Variants in RALGAPA2 observed in about 807,000 individuals in gnomAD.
RALGAPA2 encodes ral GTPase-activating protein subunit alpha-2.
In RALGAPA2, 139 loss-of-function variants were observed where a neutral mutation model predicts 230.4. The ratio of observed to expected loss-of-function variants is 0.60; its 90% CI spans 0.53 to 0.69. The LOEUF is 0.69. Among genes scored for constraint, RALGAPA2 ranks in the 30% least tolerant of loss-of-function variants. The pLI, the probability that RALGAPA2 is intolerant of heterozygous loss-of-function variation, is 0.00. For synonymous variants in RALGAPA2, 847 were observed against 837.8 expected (o/e 1.01, Z -0.19); for missense variants, 2,163 against 2,276.0 (o/e 0.95, Z 1.01).
At chr20:20,679,396 T>A (rs761041282) in intron 2 of RALGAPA2, among the ~76,000 whole-genome samples, 8 of 152,282 alleles carry the variant, frequency 5.3e-5, no homozygotes, top group Middle Eastern at 6.8e-3. Flanking sequence ...GGATCAGGCA[T>A]CACCATCCCT....
At chr20:20,592,093 G>A (rs1602977853) in intron 16 of RALGAPA2, among the ~76,000 whole-genome samples, 1 of 152,132 alleles carries the variant, frequency 6.6e-6, no homozygotes, top group Admixed American at 6.5e-5. Context: ...CAGCTTCAGG[G>A]TTGCACCACC....
chr20:20,476,715 AAAT>A (rs1376819338), intron 36 of RALGAPA2, among the ~76,000 whole-genome samples: 5 of 148,050 alleles, frequency 3.4e-5, no homozygotes, highest in East Asian at 2.0e-4. Flanking sequence ...ATAAATAAAT[AAAT>A]AAAAGAAAAT....
intron 12 of RALGAPA2, among the ~76,000 whole-genome samples, chr20:20,617,197 A>G (rs1308895797): frequency 6.6e-6 from 1 of 152,250 alleles, no homozygotes; most frequent in Non-Finnish European, 1.5e-5. Context: ...TAGCTCATTT[A>G]TAAGTAAAAT....
chr20:20,612,614 A>C (rs1187568195), intron 13 of RALGAPA2, among the ~76,000 whole-genome samples: 1 of 152,110 alleles, frequency 6.6e-6, no homozygotes. Flanking sequence ...GTTGTTATAC[A>C]TTCTCACTGC....
chr20:20,573,524 T>C (rs966562886), intron 20 of RALGAPA2, among the ~76,000 whole-genome samples: 1 of 152,230 alleles, frequency 6.6e-6, no homozygotes, highest in Non-Finnish European at 1.5e-5. Context: ...TATACGTTCA[T>C]GCAACTGTTG....
chr20:20,458,825 T>C (rs2061221714), intron 37 of RALGAPA2, among the ~76,000 whole-genome samples: 1 of 828 alleles, frequency 1.2e-3, no homozygotes, highest in Non-Finnish European at 2.6e-3. Flanking sequence ...TATAGACCTA[T>C]ATATATATAT....
chr20:20,599,968 G>C (rs1379560031), intron 16 of RALGAPA2, among the ~76,000 whole-genome samples: 1 of 149,778 alleles, frequency 6.7e-6, no homozygotes. Flanking sequence ...TTAAGACTCT[G>C]TCTCAAAAAA....
intron 16 of RALGAPA2, among the ~76,000 whole-genome samples, chr20:20,591,707 CAT>C (rs199930478): frequency 5.3e-5 from 8 of 151,942 alleles, no homozygotes; most frequent in South Asian, 2.1e-4. Context: ...CACACACACA[CAT>C]ACACCCTGAA....
intron 37 of RALGAPA2, among the ~76,000 whole-genome samples, chr20:20,432,972 C>T (rs903298005): frequency 5.9e-5 from 9 of 152,208 alleles, no homozygotes; most frequent in Non-Finnish European, 7.3e-5. Context: ...CTGGCTCACT[C>T]GTGAGCACCA....
intron 37 of RALGAPA2, chr20:20,471,138 A>C (rs969425191): frequency 6.6e-6 from 1 of 152,226 alleles, no homozygotes; most frequent in African/African-American, 2.4e-5. Context: ...TAGCATCAGT[A>C]GCCCTAGCTG....
At chr20:20,571,297 A>G (rs1402662015) in intron 23 of RALGAPA2, among the ~76,000 whole-genome samples, 161 bp downstream of exon 23, 2 of 152,258 alleles carry the variant, frequency 1.3e-5, no homozygotes, top group Non-Finnish European at 2.9e-5. Context: ...AACCTGATTT[A>G]CATTTTTGAA....
At chr20:20,412,609 G>A (rs1184572574) in intron 37 of RALGAPA2, among the ~76,000 whole-genome samples, 5 of 152,202 alleles carry the variant, frequency 3.3e-5, no homozygotes, top group Admixed American at 6.5e-5. Context: ...GAAGATGCAA[G>A]TTACTGGGAA....
rs1463815204 is a variant in RALGAPA2, at chr20:20,535,746, T to C, written c.3472A>G (p.Arg1158Gly). 1.9e-6 allele frequency: 3 copies of C among 1,548,284 alleles called. No homozygotes were observed. In the African/African-American group the frequency reaches 4.1e-5, roughly 21 times the overall value. The change falls in exon 26 of 40, where the codon AGA becomes GGA. Residue 1158 changes from arginine (R) to glycine (G), a missense_variant and splice_region_variant. Arg to Gly is a moderately radical substitution (Grantham distance 125). Transcript: ENST00000202677. ...NATEEPNEYA[R>G]CIAVCSLGVW... ...GTTTACCTCTTATTCAACATTTACCTTGCATATTCATTTGGTTCTTCTGTG... is the reference window on the plus strand; with the variant it reads ...GTTTACCTCTTATTCAACATTTACCCTGCATATTCATTTGGTTCTTCTGTG...
intron 37 of RALGAPA2, among the ~76,000 whole-genome samples, chr20:20,456,711 G>A (rs2061129387): frequency 6.6e-6 from 1 of 152,246 alleles, no homozygotes; most frequent in African/African-American, 2.4e-5. Flanking sequence ...TGCCAATGCA[G>A]GTGCCAGATG....
At position 20,572,914 on chromosome 20, in the gene RALGAPA2, A is replaced by C; in HGVS notation, c.2862T>G (p.Val954=). Residue 954 remains valine, a synonymous_variant, in exon 21 of 40, where the codon GTT becomes GTG. Coordinates refer to ENST00000202677, the MANE Select transcript of RALGAPA2 (RefSeq NM_020343.4). ...ACCAGAGTTCATAGAGATAGCAGAA[A>C]ACTCTGGCATGGATCTTGGGTGACT... ...NIQSPKIHAR[V]FCYLYELWYK... 1 of 1,564,574 alleles carries C rather than the reference A, an allele frequency of 6.4e-7. No homozygotes were observed. The highest frequency in any genetic ancestry group is 8.7e-7 in the Non-Finnish European group (1 of 1,153,740).
chr20:20,488,499 CCTGT>C (rs991888043), intron 36 of RALGAPA2, among the ~76,000 whole-genome samples: 33 of 152,200 alleles, frequency 2.2e-4, no homozygotes, highest in African/African-American at 6.8e-4. Flanking sequence ...TCTGTATCTG[CCTGT>C]CTATCTCTCT....
intron 37 of RALGAPA2, 63 bp downstream of exon 37, chr20:20,472,766 A>T (rs1298158180): frequency 1.3e-6 from 2 of 1,544,312 alleles, no homozygotes; most frequent in South Asian, 2.5e-5. Flanking sequence ...CTCTTATGAA[A>T]AACTGCCAGG....
intron 37 of RALGAPA2, among the ~76,000 whole-genome samples, chr20:20,438,639 G>A (rs1033208782): frequency 1.3e-5 from 2 of 152,176 alleles, no homozygotes; most frequent in African/African-American, 4.8e-5. Context: ...GGGACTGCAC[G>A]CACGCCAACT....
At chr20:20,395,111 AACAGCAG>A (rs1249011095) in intron 39 of RALGAPA2, among the ~76,000 whole-genome samples, 1 of 152,180 alleles carries the variant, frequency 6.6e-6, no homozygotes, top group African/African-American at 2.4e-5. Context: ...GAGCCTGGAG[AACAGCAG>A]GAAGCTCTGC....
Sources: allele counts gnomAD v4.1 joint callset (sites outside exome capture counted in the v4.1 genomes callset), GRCh38; gene constraint gnomAD v4.1.1; transcripts MANE v1.5; gene names NCBI Gene and HGNC (gene_info 2026-07-23, HGNC 2026-07-21).